Variants in ACACA observed in about 807,000 individuals in gnomAD.
The protein encoded by ACACA is acetyl-CoA carboxylase 1.
A neutral mutation model predicts 296.1 loss-of-function variants in ACACA; 103 were observed. That is an observed-to-expected ratio of 0.35 (90% CI 0.30 to 0.41). The LOEUF (loss-of-function observed/expected upper bound fraction) is 0.41. Ranked by LOEUF, ACACA falls within the 10% of genes least tolerant of loss-of-function variation. The pLI is 1.00. For missense variants in ACACA, 1,554 were observed against 2,989.7 expected (o/e 0.52, Z 11.20); for synonymous variants, 953 against 1,038.6 (o/e 0.92, Z 1.58).
At chr17:37,169,963 A>C (rs1410145201) in intron 41 of ACACA, among the ~76,000 whole-genome samples, 2 of 152,202 alleles carry the variant, frequency 1.3e-5, no homozygotes, top group Admixed American at 1.3e-4. Flanking sequence ...GGGCAGTGCC[A>C]GTGTCGTCTT....
chr17:37,136,121 G>A (rs1182066474), intron 45 of ACACA, among the ~76,000 whole-genome samples: 2 of 150,378 alleles, frequency 1.3e-5, no homozygotes, highest in African/African-American at 5.0e-5. Flanking sequence ...CCATCATAAG[G>A]TATACAAGTC....
intron 3 of ACACA, among the ~76,000 whole-genome samples, chr17:37,306,999 T>C (rs2146958840): frequency 6.6e-6 from 1 of 152,260 alleles, no homozygotes; most frequent in South Asian, 2.1e-4. Context: ...CGCCTGGCCT[T>C]ATGTGTATAA....
intron 52 of ACACA, among the ~76,000 whole-genome samples, chr17:37,103,569 A>G (rs1245480538): frequency 6.6e-6 from 1 of 152,220 alleles, no homozygotes; most frequent in African/African-American, 2.4e-5. Context: ...ATTCTACATT[A>G]GGAAATGGCT....
At chr17:37,342,513 T>C (rs2048433312) in intron 1 of ACACA, among the ~76,000 whole-genome samples, 1 of 144,380 alleles carries the variant, frequency 6.9e-6, no homozygotes, top group East Asian at 2.0e-4. Context: ...TACATATATA[T>C]ATCCTATATA....
intron 8 of ACACA, among the ~76,000 whole-genome samples, chr17:37,275,212 T>C (rs977196896): frequency 2.6e-5 from 4 of 152,074 alleles, no homozygotes; most frequent in Non-Finnish European, 4.4e-5. Flanking sequence ...CAAGAAAACA[T>C]TGGCGCCAGG....
At chr17:37,386,831 T>A (rs1045745552) in intron 1 of ACACA, 2 of 152,462 alleles carry the variant, frequency 1.3e-5, no homozygotes, top group African/African-American at 4.8e-5. Flanking sequence ...TTTTCTTTTT[T>A]TTTTTTTGAG....
chr17:37,301,367 A>G (rs746043796), intron 3 of ACACA: 2 of 985,172 alleles, frequency 2.0e-6, no homozygotes, highest in Middle Eastern at 5.2e-4. Flanking sequence ...ACAGTGTCCA[A>G]CGTAGACACA....
intron 16 of ACACA, among the ~76,000 whole-genome samples, chr17:37,251,204 T>G (rs1398112302): frequency 6.6e-6 from 1 of 152,092 alleles, no homozygotes. Flanking sequence ...ACTGGATTGG[T>G]AAAAAGCGGC....
intron 39 of ACACA, among the ~76,000 whole-genome samples, chr17:37,185,448 G>A (rs9915979): frequency 8.4e-6 from 1 of 118,676 alleles, no homozygotes; most frequent in African/African-American, 3.3e-5. Context: ...ACAGGGTCTT[G>A]CCTTGTTGAG....
intron 2 of ACACA, among the ~76,000 whole-genome samples, chr17:37,334,747 ACCCCGTCCATG>A (rs991961746): frequency 3.3e-5 from 5 of 151,146 alleles, no homozygotes; most frequent in Admixed American, 2.6e-4. Context: ...ATGCCACTGC[ACCCCGTCCATG>A]CCCCGTCCAT....
intron 1 of ACACA, among the ~76,000 whole-genome samples, chr17:37,356,532 C>T (rs1032648127): frequency 6.6e-6 from 1 of 152,034 alleles, no homozygotes; most frequent in African/African-American, 2.4e-5. Context: ...GTGCCTACCA[C>T]CACACCCAGC....
chr17:37,263,837 G>A lies in ACACA; in HGVS notation c.1177C>T (p.Arg393Cys). The A allele has an allele frequency of 6.2e-7, 1 of 1,613,916 alleles. No homozygotes were observed. Among genetic ancestry groups the A allele is most frequent in the Non-Finnish European group, 8.5e-7 (1 of 1,179,986 alleles). ...GCTAAGATCTGCACCTCCAGATGAC[G>A]AGATTGTTTGGCTAGTCTCATCACA... The part of the protein sequence containing the change: ...IFVMRLAKQS[R>C]HLEVQILADQ... Residue 393 changes from arginine to cysteine, a missense_variant, in exon 11 of 56, where the codon CGT (arginine) becomes TGT (cysteine). Arg to Cys is a radical substitution (Grantham distance 180, BLOSUM62 -3). This residue lies in a region of ACACA where 82 missense variants were observed against 185.2 expected (regional missense o/e 0.44). Transcript: ENST00000616317.
chr17:37,114,404 AT>A (rs1375964968), intron 50 of ACACA, among the ~76,000 whole-genome samples: 1 of 151,584 alleles, frequency 6.6e-6, no homozygotes, highest in African/African-American at 2.4e-5. Flanking sequence ...ATGGTGGCAC[AT>A]TCCCATAGTC....
chr17:37,133,533 G>A (rs757059119), intron 45 of ACACA, among the ~76,000 whole-genome samples: 3 of 152,156 alleles, frequency 2.0e-5, no homozygotes, highest in Non-Finnish European at 4.4e-5. Flanking sequence ...GAAGACGAAT[G>A]GAGTCCACAT....
intron 19 of ACACA, among the ~76,000 whole-genome samples, chr17:37,246,442 G>C (rs1231671326): frequency 2.0e-5 from 3 of 151,676 alleles, no homozygotes; most frequent in African/African-American, 7.3e-5. Flanking sequence ...TTTAGAAATA[G>C]GGTCTTGATT....
chr17:37,225,082 T>C lies in ACACA; in HGVS notation c.3384A>G (p.Pro1128=), dbSNP rs979487690. The C allele has an allele frequency of 2.5e-6, 4 of 1,611,952 alleles. No homozygotes were observed. The highest frequency in any genetic ancestry group is 2.7e-5 in the African/African-American group (2 of 74,820). ...ARQVLIASHL[P]SYELRHNQVE... ...CTTGGTTATGGCGAAGCTCATATGA[T>C]GGCAAATGGGAGGCAATAAGAACCT... is the stretch of plus-strand genomic sequence containing the variant. The change falls in exon 27 of 56, where the codon CCA becomes CCG. Residue 1128 remains proline (P), a synonymous_variant. Transcript: ENST00000616317.
At chr17:37,322,841 T>A (rs1248206779) in intron 3 of ACACA, among the ~76,000 whole-genome samples, 4 of 152,100 alleles carry the variant, frequency 2.6e-5, no homozygotes, top group African/African-American at 9.7e-5. Context: ...GAAGACCACC[T>A]CCCTACTCCA....
rs1555651668 is a variant in ACACA, at chr17:37,339,858, G to GAA, written c.39-10_39-9dup. 4 of 1,226,102 alleles carry GAA rather than the reference G, an allele frequency of 3.3e-6. No homozygotes were observed. The South Asian group carries it at 3.9e-5, about 12-fold the overall frequency. The allele number at this position is 1,226,102 out of a possible 1,614,324, so 76.0% of individuals were successfully genotyped here. Reference sequence around the variant, plus strand: ...ATCCACTTCCAAAAAGACCTAGAGAGAAAGAGAAAGATTTTAAGGTTTTTT... The same window carrying GAA: ...ATCCACTTCCAAAAAGACCTAGAGAGAAAAAGAGAAAGATTTTAAGGTTTTTT... On this transcript the variant is annotated splice_polypyrimidine_tract_variant and intron_variant, in intron 1 of 55. Coordinates refer to ENST00000616317, the MANE Select transcript of ACACA (RefSeq NM_198834.3).
Position 37,406,201 on chromosome 17 carries a change from C to T in ACACA, c.38+61G>A. ...CAATGTCTGGCATGCAATAAGTACT[C>T]GACAAATGGTAGCTATTAGAATCAT... is the stretch of plus-strand genomic sequence containing the variant. On this transcript the variant is annotated intron_variant, in intron 1 of 55. Coordinates refer to ENST00000616317, the MANE Select transcript of ACACA (RefSeq NM_198834.3). The T allele has an allele frequency of 1.9e-6, 3 of 1,584,742 alleles. No individual in the cohort carries two copies. In the South Asian group the frequency reaches 3.3e-5, roughly 18 times the overall value.
Sources: gnomAD v4.1 joint callset for allele counts (sites outside exome capture counted in the v4.1 genomes callset) on GRCh38, gnomAD v4.1.1 for gene constraint, gnomAD v4.1.1 regional missense constraint, MANE v1.5 for transcripts, NCBI Gene and HGNC (gene_info 2026-07-23, HGNC 2026-07-21) for gene names.